TENM2: variants seen among roughly 807,000 people sequenced by gnomAD.
The protein encoded by TENM2 is teneurin-2.
TENM2 carries 52 observed loss-of-function variants against 245.2 expected under a neutral mutation model. That is an observed-to-expected ratio of 0.21 (90% CI 0.17 to 0.27). TENM2 has a LOEUF of 0.27. TENM2 is among the 10% of genes least tolerant of loss of function. TENM2 has a pLI of 1.00. For synonymous variants in TENM2, 1,363 were observed against 1,438.9 expected (o/e 0.95, Z 1.19); for missense variants, 3,046 against 3,666.8 (o/e 0.83, Z 4.37).
At chr5:168,051,147 ATACG>A (rs1170908176) in intron 6 of TENM2, among the ~76,000 whole-genome samples, 2 of 152,342 alleles carry the variant, frequency 1.3e-5, no homozygotes, top group East Asian at 3.9e-4. Flanking sequence ...AGGGCGCATC[ATACG>A]TACCCAATTT....
rs1486564956 is a variant in TENM2 at position 167,929,063 on chromosome 5, AAGAAAGAAAGAAAGAAAGAAAG to A, written c.713-23523_713-23502del. Among the ~76,000 whole-genome samples, 202 of 19,352 alleles carry A rather than the reference AAGAAAGAAAGAAAGAAAGAAAG, an allele frequency of 0.01. 2 individuals carry two copies. In the East Asian group the frequency reaches 0.12, roughly 12 times the overall value. The allele number at this position is 19,352 out of a possible 152,430, so 12.7% of individuals were successfully genotyped here. On this transcript the variant is annotated intron_variant, in intron 3 of 28. Transcript: ENST00000518659. The stretch of plus-strand genomic sequence containing the variant: ...AAAAGAAAAAAGAAAGAAAGAGAGA[AAGAAAGAAAGAAAGAAAGAAAG>A]AAAGAAAGAAAGAAAGAAAGAAAGA...
chr5:167,850,027 C>T (rs1437772435), intron 2 of TENM2, among the ~76,000 whole-genome samples: 2 of 152,206 alleles, frequency 1.3e-5, no homozygotes, highest in Non-Finnish European at 2.9e-5. Flanking sequence ...CAACTCCTCT[C>T]TCCTCGCTGG....
intron 2 of TENM2, among the ~76,000 whole-genome samples, chr5:167,555,705 T>C (rs1211417224): frequency 6.6e-6 from 1 of 152,092 alleles, no homozygotes; most frequent in Non-Finnish European, 1.5e-5. Context: ...CTAAGAAGAA[T>C]AAATCCCTCC....
chr5:167,288,421 C>T (rs1195991993), intron 1 of TENM2, among the ~76,000 whole-genome samples: 5 of 151,886 alleles, frequency 3.3e-5, no homozygotes, highest in South Asian at 4.2e-4. Context: ...TAGTCGGGCG[C>T]GGTGGCGGGC....
the TENM2 span, among the ~76,000 whole-genome samples, chr5:167,005,769 A>G: frequency 2.9e-4 from 42 of 142,416 alleles, 1 homozygote; most frequent in South Asian, 6.6e-3. Context: ...TCAAGTGATT[A>G]TCCTGCCTCA....
intron 2 of TENM2, among the ~76,000 whole-genome samples, chr5:167,535,561 C>T (rs1405755823): frequency 2.6e-5 from 4 of 152,224 alleles, no homozygotes; most frequent in Non-Finnish European, 5.9e-5. Context: ...GTGATTCAGA[C>T]ACGATGACTA....
chr5:167,238,758 C>T, the TENM2 span, among the ~76,000 whole-genome samples: 1 of 150,202 alleles, frequency 6.7e-6, no homozygotes, highest in African/African-American at 2.5e-5. Flanking sequence ...TTGCCTGAAT[C>T]CATATATCAG....
chr5:168,163,900 C>T (rs1157762850), intron 13 of TENM2, among the ~76,000 whole-genome samples: 1 of 152,134 alleles, frequency 6.6e-6, no homozygotes, highest in Non-Finnish European at 1.5e-5. Flanking sequence ...TAGATGGGTC[C>T]TGGTGCCGGG....
At chr5:167,667,365 G>A (rs1755642840) in intron 2 of TENM2, among the ~76,000 whole-genome samples, 1 of 152,030 alleles carries the variant, frequency 6.6e-6, no homozygotes, top group African/African-American at 2.4e-5. Context: ...GGCAAGTCAG[G>A]GGAGAATCTA....
intron 2 of TENM2, among the ~76,000 whole-genome samples, chr5:167,623,148 A>G (rs1377232558): frequency 2.0e-5 from 3 of 152,208 alleles, no homozygotes; most frequent in South Asian, 2.1e-4. Context: ...TAGGGCTGCT[A>G]TTTTTTGTTT....
chr5:167,075,840 C>T, the TENM2 span, among the ~76,000 whole-genome samples: 1 of 152,150 alleles, frequency 6.6e-6, no homozygotes. Context: ...GAAATACCCA[C>T]CTACTTGCAA....
intron 27 of TENM2, among the ~76,000 whole-genome samples, chr5:168,248,708 C>T (rs941660054): frequency 6.6e-6 from 1 of 152,224 alleles, no homozygotes; most frequent in Non-Finnish European, 1.5e-5. Flanking sequence ...AATTCTCTCT[C>T]TTCTATTTAT....
the TENM2 span, among the ~76,000 whole-genome samples, chr5:166,984,879 AG>A: frequency 6.6e-6 from 1 of 152,286 alleles, no homozygotes. Context: ...ATCACTTAGA[AG>A]AAACATAAGC....
chr5:167,725,041 C>T (rs1038426831), intron 2 of TENM2, among the ~76,000 whole-genome samples: 3 of 152,082 alleles, frequency 2.0e-5, no homozygotes, highest in African/African-American at 7.2e-5. Context: ...ATTTATTCTC[C>T]ATTAAAATAA....
chr5:167,848,796 A>T (rs1336314134), intron 2 of TENM2, among the ~76,000 whole-genome samples: 1 of 152,164 alleles, frequency 6.6e-6, no homozygotes, highest in Non-Finnish European at 1.5e-5. Flanking sequence ...CCTTGATGAA[A>T]AATTTGGGAG....
chr5:166,996,984 G>A, the TENM2 span, among the ~76,000 whole-genome samples: 1 of 152,018 alleles, frequency 6.6e-6, no homozygotes, highest in South Asian at 2.1e-4. Context: ...AATTATTAGG[G>A]CATATATTAC....
intron 12 of TENM2, chr5:168,139,557 A>G (rs1755353235): frequency 2.2e-6 from 1 of 456,344 alleles, no homozygotes; most frequent in Non-Finnish European, 4.4e-6. Flanking sequence ...GTGGTTGGGC[A>G]GGCCTTTCCT....
chr5:167,643,449 CAG>C, intron 2 of TENM2, among the ~76,000 whole-genome samples: 1 of 152,220 alleles, frequency 6.6e-6, no homozygotes, highest in South Asian at 2.1e-4. Flanking sequence ...TAGCCTGCGT[CAG>C]TGGTTCATTT....
the TENM2 span, among the ~76,000 whole-genome samples, chr5:167,253,805 A>C: frequency 6.6e-6 from 1 of 152,076 alleles, no homozygotes; most frequent in African/African-American, 2.4e-5. Context: ...ACTGTCCTTG[A>C]ATCAATGCCC....
Sources: gnomAD v4.1 joint callset for allele counts (sites outside exome capture counted in the v4.1 genomes callset) on GRCh38, gnomAD v4.1.1 for gene constraint, MANE v1.5 for transcripts, NCBI Gene and HGNC (gene_info 2026-07-23, HGNC 2026-07-21) for gene names.